The following AKT3 variants were observed in gnomAD, a reference collection of about 807,000 sequenced individuals.
AKT3 encodes AKT serine/threonine kinase 3.
Under a neutral mutation model 65.3 loss-of-function variants are expected in AKT3, and 15 were observed. That is an observed-to-expected ratio of 0.23 (90% CI 0.15 to 0.35). AKT3 has a LOEUF of 0.35. Among genes scored for constraint, AKT3 ranks in the 10% least tolerant of loss-of-function variants. AKT3 has a pLI of 1.00. For missense variants in AKT3, 243 were observed against 576.5 expected, an observed-to-expected ratio of 0.42 and a Z score of 5.92; for synonymous variants, 206 against 183.8, an observed-to-expected ratio of 1.12 and a Z score of -0.98.
chr1:243,646,972 TG>T (rs1467309580), intron 4 of AKT3, among the ~76,000 whole-genome samples: 1 of 152,206 alleles, frequency 6.6e-6, no homozygotes, highest in Middle Eastern at 3.2e-3. Flanking sequence ...AAAATCAGCT[TG>T]TCTACTTCTT....
At position 243,824,383 on chromosome 1, in the gene AKT3, T is replaced by C. The variant is rs6665492; in HGVS notation, c.46+18742A>G. Among the ~76,000 whole-genome samples, 1,074 of 152,186 alleles carry C rather than the reference T, an allele frequency of 7.1e-3. 11 individuals are homozygous for C. The highest frequency in any genetic ancestry group is 0.025 in the African/African-American group (1,027 of 41,534). On this transcript the variant is annotated intron_variant, in intron 2 of 13. Coordinates refer to ENST00000673466, the MANE Select transcript of AKT3 (RefSeq NM_005465.7). ...TTCATGATGAAAACATCAAAACCAA[T>C]TGCAACAAAAGCAAAAATTGACGAC...
chr1:243,807,176 G>T (rs576109777), intron 2 of AKT3, among the ~76,000 whole-genome samples: 1 of 152,318 alleles, frequency 6.6e-6, no homozygotes, highest in South Asian at 2.1e-4. Flanking sequence ...GGGATTGTCG[G>T]ACAGTGGGTG....
At chr1:243,650,448 T>C (rs566046939) in intron 4 of AKT3, among the ~76,000 whole-genome samples, 1 of 152,370 alleles carries the variant, frequency 6.6e-6, no homozygotes, top group African/African-American at 2.4e-5. Context: ...TTGTTGCCAT[T>C]GCTTTTGGTG....
At chr1:243,829,807 A>T (rs1694389124) in intron 2 of AKT3, among the ~76,000 whole-genome samples, 1 of 152,236 alleles carries the variant, frequency 6.6e-6, no homozygotes, top group African/African-American at 2.4e-5. Flanking sequence ...AATGATTTAT[A>T]TAATCAAAAC....
intron 8 of AKT3, among the ~76,000 whole-genome samples, chr1:243,595,089 T>A (rs144843147): frequency 5.7e-4 from 87 of 152,312 alleles, no homozygotes; most frequent in African/African-American, 2.0e-3. Context: ...AATGTGCAAT[T>A]AGACAATTTC....
intron 4 of AKT3, among the ~76,000 whole-genome samples, chr1:243,652,728 C>G (rs980319509): frequency 1.7e-5 from 1 of 60,084 alleles, no homozygotes; most frequent in Non-Finnish European, 3.2e-5. Flanking sequence ...CACACAGGCT[C>G]AAAATAAAGG....
intron 2 of AKT3, among the ~76,000 whole-genome samples, chr1:243,762,579 A>G (rs974525663): frequency 2.6e-5 from 4 of 152,082 alleles, no homozygotes; most frequent in African/African-American, 7.2e-5. Context: ...CGTTTCAATC[A>G]TAAGTCCCAC....
At chr1:243,820,009 C>G (rs1693760674) in intron 2 of AKT3, among the ~76,000 whole-genome samples, 1 of 152,226 alleles carries the variant, frequency 6.6e-6, no homozygotes, top group South Asian at 2.1e-4. Context: ...ACCTCCGCCT[C>G]CCAGGTTCGA....
At chr1:243,682,779 A>T (rs1684011493) in intron 3 of AKT3, among the ~76,000 whole-genome samples, 1 of 152,166 alleles carries the variant, frequency 6.6e-6, no homozygotes, top group Non-Finnish European at 1.5e-5. Context: ...TAATTTTTCA[A>T]ATTAATGCTA....
chr1:243,602,747 G>T, intron 8 of AKT3, among the ~76,000 whole-genome samples: 1 of 152,018 alleles, frequency 6.6e-6, no homozygotes, highest in East Asian at 1.9e-4. Flanking sequence ...AACTAAGTAT[G>T]GACAAAAATA....
At chr1:243,629,569 G>T (rs1341402552) in intron 6 of AKT3, among the ~76,000 whole-genome samples, 1 of 152,058 alleles carries the variant, frequency 6.6e-6, no homozygotes, top group African/African-American at 2.4e-5. Flanking sequence ...AAGGCGGGTG[G>T]ATCATGAGGT....
At position 243,619,424 on chromosome 1, in the gene AKT3, C is replaced by T. The variant is rs1030714028; in HGVS notation, c.562-4263G>A. 3.3e-5 allele frequency among the ~76,000 whole-genome samples: 5 copies of T among 151,970 alleles called. 1 individual carries two copies. Among genetic ancestry groups the T allele is most frequent in the East Asian group, 1.9e-4 (1 of 5,182 alleles). On this transcript the variant is annotated intron_variant, in intron 6 of 13. Transcript: ENST00000673466. Reference sequence around the variant, plus strand: ...ACAGTAGGTGGTTGTTAACTATAGTCGCCCTACTGAACTATCTAACACTAG... The same window carrying T: ...ACAGTAGGTGGTTGTTAACTATAGTTGCCCTACTGAACTATCTAACACTAG...
At chr1:243,693,090 C>A (rs1047568920) in intron 3 of AKT3, among the ~76,000 whole-genome samples, 1 of 150,304 alleles carries the variant, frequency 6.7e-6, no homozygotes, top group East Asian at 2.0e-4. Flanking sequence ...GTTCTCAAAC[C>A]CCTTTACAGT....
chr1:243,704,383 CTTTAA>C (rs946335260), intron 2 of AKT3, among the ~76,000 whole-genome samples: 6 of 152,110 alleles, frequency 3.9e-5, no homozygotes, highest in African/African-American at 1.4e-4. Context: ...CCTCGTGGAG[CTTTAA>C]GTCTAGTAGG....
At chr1:243,839,259 A>C (rs537419538) in intron 2 of AKT3, among the ~76,000 whole-genome samples, 3 of 152,194 alleles carry the variant, frequency 2.0e-5, no homozygotes, top group Non-Finnish European at 4.4e-5. Flanking sequence ...ACTAGCTATA[A>C]GGGAAAAAAT....
rs755143860 is a variant in AKT3 at position 243,503,711 on chromosome 1, T to A, written c.*1538A>T. 1.2e-4 allele frequency: 28 copies of A among 231,910 alleles called. No individual in the cohort carries two copies. Among genetic ancestry groups the A allele is most frequent in the Non-Finnish European group, 2.0e-4 (24 of 117,140 alleles). 14.4% of individuals were successfully genotyped at this position (231,910 alleles called of 1,614,324 possible). A position where few individuals can be genotyped will look rare whatever the true frequency, so the allele number is the denominator to read the frequency against. ...TACAGAAAAAGAAAAGCTGGAGGTG[T>A]TCTCTTTTTTTGTTGTTTTTTCCCT... is the stretch of plus-strand genomic sequence containing the variant. On this transcript the variant is annotated 3_prime_UTR_variant, in exon 14 of 14. Coordinates refer to ENST00000673466, the MANE Select transcript of AKT3 (RefSeq NM_005465.7).
intron 5 of AKT3, 67 bp downstream of exon 5, chr1:243,645,826 G>A: frequency 1.4e-6 from 2 of 1,422,076 alleles, no homozygotes; most frequent in Admixed American, 2.3e-5. Context: ...TTCTGCAAAT[G>A]GTAGCTTTTA....
intron 2 of AKT3, among the ~76,000 whole-genome samples, chr1:243,792,536 T>C (rs1691694608): frequency 6.6e-6 from 1 of 152,168 alleles, no homozygotes. Flanking sequence ...TTGGCAGTGA[T>C]AATTAAGCTG....
At chr1:243,712,647 T>C (rs1686236097) in intron 2 of AKT3, among the ~76,000 whole-genome samples, 1 of 152,158 alleles carries the variant, frequency 6.6e-6, no homozygotes, top group Non-Finnish European at 1.5e-5. Flanking sequence ...TCCATTCATA[T>C]TGATTGGTTC....
Sources: allele counts gnomAD v4.1 joint callset (sites outside exome capture counted in the v4.1 genomes callset), GRCh38; gene constraint gnomAD v4.1.1; transcripts MANE v1.5; gene names NCBI Gene and HGNC (gene_info 2026-07-23, HGNC 2026-07-21).